TBC1D9B: variants seen among roughly 807,000 people sequenced by gnomAD.
TBC1D9B encodes the protein TBC1 domain family, member 9B (with GRAM domain).
Under a neutral mutation model 121.1 loss-of-function variants are expected in TBC1D9B, and 87 were observed. The observed-to-expected ratio is 0.72, with a 90% CI of 0.60 to 0.86. The LOEUF is 0.86. TBC1D9B is among the 40% of genes least tolerant of loss of function. The pLI, the probability that TBC1D9B is intolerant of heterozygous loss-of-function variation, is 0.00. For missense variants in TBC1D9B, 1,540 were observed against 1,628.6 expected, an observed-to-expected ratio of 0.95 and a Z score of 0.94; for synonymous variants, 668 against 670.1, an observed-to-expected ratio of 1.00 and a Z score of 0.05.
At chr5:179,878,992 G>C (rs1760447032) in intron 9 of TBC1D9B, 55 bp downstream of exon 9, 2 of 1,577,164 alleles carry the variant, frequency 1.3e-6, no homozygotes, top group Non-Finnish European at 1.7e-6. Context: ...CACACGGGGA[G>C]AGCTTGGGGA....
chr5:179,893,432 G>C lies in TBC1D9B; in HGVS notation c.613C>G (p.Leu205Val). ...AAGAGCAGGGTGGCGTTCTTCTCCA[G>C]ACGCGTTATGTCCACCCACTGCACC... is the stretch of plus-strand genomic sequence containing the variant. ...LVVQWVDITR[L>V]EKNATLLFPE... The change falls in exon 5 of 21, where the codon CTG becomes GTG. Residue 205 changes from leucine to valine, a missense_variant. Transcript: ENST00000355235. 6.2e-7 allele frequency: 1 copy of C among 1,612,718 alleles called. No individual in the cohort carries two copies. Among genetic ancestry groups the C allele is most frequent in the Non-Finnish European group, 8.5e-7 (1 of 1,179,044 alleles).
chr5:179,902,462 G>A lies in TBC1D9B; in HGVS notation c.229+2240C>T, dbSNP rs558402404. ...GTCTGGTCTTGGTGAGTTGCTTCTG[G>A]GGCCTAGCCTGGCTGGCAGGAAAGG... On this transcript the variant is annotated intron_variant, in intron 2 of 20. Coordinates refer to ENST00000355235, the MANE Select transcript of TBC1D9B (RefSeq NM_015043.4). The surrounding 1 kb of genome is among the most constrained non-coding windows in gnomAD (Gnocchi z 4.9). Among the ~76,000 whole-genome samples, 160 of 152,282 alleles carry A rather than the reference G, an allele frequency of 1.1e-3. No homozygotes were observed. Among genetic ancestry groups the A allele is most frequent in the Non-Finnish European group, 1.6e-3 (109 of 68,014 alleles).
rs534548411 is a variant in TBC1D9B, at chr5:179,893,327, G to A, written c.718C>T (p.Leu240Phe). 9 of 1,614,170 alleles carry A rather than the reference G, an allele frequency of 5.6e-6. No individual in the cohort carries two copies. In the South Asian group the frequency reaches 8.8e-5, roughly 16 times the overall value. Residue 240 changes from leucine to phenylalanine, a missense_variant, in exon 5 of 21, where the codon CTC becomes TTC. Leu to Phe is a conservative substitution (Grantham distance 22). Coordinates refer to ENST00000355235, the MANE Select transcript of TBC1D9B (RefSeq NM_015043.4). ...GCCAGGTTGGCCAACTGCTCCATGA[G>A]CTTGAAGGTCTCGCCGATGTTGAGG... ...MFLNIGETFK[L>F]MEQLANLAMR...
intron 10 of TBC1D9B, among the ~76,000 whole-genome samples, chr5:179,877,338 AAAT>A (rs200312644): frequency 1.3e-5 from 2 of 151,588 alleles, no homozygotes; most frequent in African/African-American, 4.9e-5. Context: ...CTGTCTCTAA[AAAT>A]AATAATAATA....
chr5:179,883,112 G>A (rs1368888792), intron 7 of TBC1D9B, among the ~76,000 whole-genome samples: 1 of 152,298 alleles, frequency 6.6e-6, no homozygotes, highest in Non-Finnish European at 1.5e-5. Flanking sequence ...GCCTGCTTCA[G>A]CCTCCCAAAG....
chr5:179,870,387 G>C lies in TBC1D9B; in HGVS notation c.2593C>G (p.Arg865Gly). Residue 865 changes from arginine to glycine, a missense_variant, in exon 16 of 21, where the codon CGG (arginine) becomes GGG (glycine). Physicochemically the swap from Arg to Gly is moderately radical, Grantham distance 125 (BLOSUM62 -2). Transcript: ENST00000355235. ...GGTGTCAGGCTGGCAAAGAGTTCCC[G>C]GAACTGGCTGGCATCAATCCGGTAC... ...EQYRIDASQF[R>G]ELFASLTPWA... 1 of 1,613,770 alleles carries C rather than the reference G, an allele frequency of 6.2e-7. No homozygotes were observed. The highest frequency in any genetic ancestry group is 1.7e-5 in the Admixed American group (1 of 60,030).
rs539138669 is a variant in TBC1D9B at position 179,897,153 on chromosome 5, C to T, written c.348+2036G>A. Reference sequence around the variant, plus strand: ...CGATCTCCTGACCTCGTGATCCGCCCGCCTCGGCCTCCAAAAGTGCTGGGA... The same window carrying T: ...CGATCTCCTGACCTCGTGATCCGCCTGCCTCGGCCTCCAAAAGTGCTGGGA... On this transcript the variant is annotated intron_variant, in intron 3 of 20. Coordinates refer to ENST00000355235, the MANE Select transcript of TBC1D9B (RefSeq NM_015043.4). Among the ~76,000 whole-genome samples, 139 of 151,972 alleles carry T rather than the reference C, an allele frequency of 9.1e-4. 1 individual carries two copies. The highest frequency in any genetic ancestry group is 3.1e-3 in the African/African-American group (130 of 41,440).
chr5:179,877,195 G>A (rs1760384378), intron 10 of TBC1D9B, among the ~76,000 whole-genome samples: 1 of 151,626 alleles, frequency 6.6e-6, no homozygotes, highest in Non-Finnish European at 1.5e-5. Flanking sequence ...GGCCAGTCTG[G>A]GCAAGACAGT....
Position 179,893,466 on chromosome 5 carries a change from C to G in TBC1D9B, c.579G>C (p.Val193=), listed in dbSNP as rs1245769829. 6.3e-7 allele frequency: 1 copy of G among 1,596,358 alleles called. No individual in the cohort carries two copies. The highest frequency in any genetic ancestry group is 8.6e-7 in the Non-Finnish European group (1 of 1,169,482). ...CFYSFLLGKE[V]SLVVQWVDIT... ...TGTCCACCCACTGCACCACGAGGCT[C>G]ACTGTGCCCACAGAGATAGACACAC... Residue 193 remains valine, a splice_region_variant and synonymous_variant, in exon 5 of 21, where the codon GTG becomes GTC. Transcript: ENST00000355235.
In TBC1D9B at chr5:179,894,450, C is replaced by T. The variant is rs754901601; in HGVS notation, c.513G>A (p.Arg171=). 3.1e-6 allele frequency: 5 copies of T among 1,614,106 alleles called. No individual in the cohort carries two copies. The highest frequency in any genetic ancestry group is 1.1e-5 in the South Asian group (1 of 91,082). Reference sequence around the variant, plus strand: ...TGACCGTCAGGTACAGCCAGCCCTGCCGGGGCACGCGGCCCTTCCAGTAGC... The same window carrying T: ...TGACCGTCAGGTACAGCCAGCCCTGTCGGGGCACGCGGCCCTTCCAGTAGC... ...SCSYWKGRVP[R]QGWLYLTVNH... The change falls in exon 4 of 21, where the codon CGG becomes CGA. Residue 171 remains arginine, a synonymous_variant. Coordinates refer to ENST00000355235, the MANE Select transcript of TBC1D9B (RefSeq NM_015043.4).
intron 2 of TBC1D9B, among the ~76,000 whole-genome samples, chr5:179,901,635 C>G (rs1761169532): frequency 6.6e-6 from 1 of 152,090 alleles, no homozygotes; most frequent in Non-Finnish European, 1.5e-5. Context: ...AAAAATGAGG[C>G]ATGGTTGCGT....
At position 179,891,416 on chromosome 5, in the gene TBC1D9B, T is replaced by A. The variant is rs1234734872; in HGVS notation, c.1007A>T (p.Glu336Val). Reference protein sequence around the residue: ...SNNYICFASKEEDACHLIIPL... With the variant: ...SNNYICFASKVEDACHLIIPL... Reference sequence around the variant, plus strand: ...TATGATGAGGTGGCAAGCGTCCTCCTCCTTGCTGGCGAAGCAGATGTAGTT... The same window carrying A: ...TATGATGAGGTGGCAAGCGTCCTCCACCTTGCTGGCGAAGCAGATGTAGTT... Residue 336 changes from glutamate to valine, a missense_variant, in exon 6 of 21, where the codon GAG (glutamate) becomes GTG (valine). Transcript: ENST00000355235. The surrounding 1 kb of genome is among the most constrained non-coding windows in gnomAD (Gnocchi z 4.3). The A allele has an allele frequency of 6.2e-7, 1 of 1,614,240 alleles. No homozygotes were observed. Among genetic ancestry groups the A allele is most frequent in the Admixed American group, 1.7e-5 (1 of 60,032 alleles).
At position 179,876,016 on chromosome 5, in the gene TBC1D9B, C is replaced by T; in HGVS notation, c.1804G>A (p.Val602Met). 1.2e-6 allele frequency: 2 copies of T among 1,612,702 alleles called. No individual in the cohort carries two copies. The highest frequency in any genetic ancestry group is 1.7e-6 in the Non-Finnish European group (2 of 1,179,568). ...YCQAMNIVTSVLLLYGSEEEA... is the reference protein window; with the variant it reads ...YCQAMNIVTSMLLLYGSEEEA... ...TCCTCACTGCCATAGAGCAGGAGCA[C>T]CGAGGTCACGATGTTCATTGCCTGC... Residue 602 changes from valine to methionine, a missense_variant, in exon 11 of 21, where the codon GTG (valine) becomes ATG (methionine). Val to Met is a conservative substitution (Grantham distance 21). Coordinates refer to ENST00000355235, the MANE Select transcript of TBC1D9B (RefSeq NM_015043.4).
chr5:179,879,581 G>A (rs765331594), intron 8 of TBC1D9B, 47 bp downstream of exon 8: 2 of 1,612,736 alleles, frequency 1.2e-6, no homozygotes, highest in Non-Finnish European at 1.7e-6. Flanking sequence ...TTCCTCCTGA[G>A]GGCTCCGCTC....
chr5:179,893,860 C>T (rs942246899), intron 4 of TBC1D9B, among the ~76,000 whole-genome samples: 8 of 152,112 alleles, frequency 5.3e-5, no homozygotes, highest in Non-Finnish European at 1.0e-4. Flanking sequence ...GCCACCTGGT[C>T]GTGACAGGTA....
At chr5:179,906,233 G>T (rs155795) in intron 1 of TBC1D9B, among the ~76,000 whole-genome samples, 2 of 152,008 alleles carry the variant, frequency 1.3e-5, no homozygotes, top group African/African-American at 4.8e-5. Flanking sequence ...CACAGGGAAG[G>T]CCCTGTCAGA....
Position 179,890,163 on chromosome 5 carries a change from C to G in TBC1D9B, c.1044+1216G>C, listed in dbSNP as rs1363953702. Among the ~76,000 whole-genome samples the G allele has an allele frequency of 6.6e-6, 1 of 152,182 alleles. No homozygotes were observed. The highest frequency in any genetic ancestry group is 1.5e-5 in the Non-Finnish European group (1 of 68,026). ...ACTACACCCACAGCAGAGTGAGCTG[C>G]GTGCGCAAAAGCCTGCAGGCTGGAA... On this transcript the variant is annotated intron_variant, in intron 6 of 20. Transcript: ENST00000355235. The surrounding 1 kb of genome is among the most constrained non-coding windows in gnomAD (Gnocchi z 5.0).
intron 4 of TBC1D9B, 114 bp from the exon 5 acceptor site, chr5:179,893,581 C>T: frequency 2.2e-6 from 3 of 1,388,092 alleles, no homozygotes; most frequent in Non-Finnish European, 2.9e-6. Flanking sequence ...GGCAGCACTT[C>T]CTGTGTGCCC....
intron 10 of TBC1D9B, among the ~76,000 whole-genome samples, chr5:179,877,057 G>A (rs1760378681): frequency 7.3e-6 from 1 of 137,604 alleles, no homozygotes; most frequent in Non-Finnish European, 1.5e-5. Flanking sequence ...GGCAACAGAA[G>A]GAGATCCTGT....
Sources: allele counts gnomAD v4.1 joint callset (sites outside exome capture counted in the v4.1 genomes callset), GRCh38; gene constraint gnomAD v4.1.1; non-coding constraint Gnocchi (gnomAD v3.1); transcripts MANE v1.5; gene names NCBI Gene and HGNC (gene_info 2026-07-23, HGNC 2026-07-21).